The following LAMC2 variants were observed in gnomAD, a reference collection of about 807,000 sequenced individuals.
LAMC2 encodes laminin subunit gamma-2.
A neutral mutation model predicts 140.2 loss-of-function variants in LAMC2; 97 were observed. The observed-to-expected ratio is 0.69, with a 90% CI of 0.59 to 0.82. The LOEUF (loss-of-function observed/expected upper bound fraction) is 0.82, where lower values mean the gene tolerates loss of function less well. Among genes scored for constraint, LAMC2 ranks in the 40% least tolerant of loss-of-function variants. LAMC2 has a pLI of 0.00. For synonymous variants in LAMC2, 513 were observed against 540.2 expected, an observed-to-expected ratio of 0.95 and a Z score of 0.70; for missense variants, 1,402 against 1,476.1, an observed-to-expected ratio of 0.95 and a Z score of 0.82.
At chr1:183,248,215 G>A (rs916733419), downstream of LAMC2, 5 of 152,588 alleles carry the variant, frequency 3.3e-5, no homozygotes, top group Non-Finnish European at 7.4e-5. Flanking sequence ...CACAGAGAAA[G>A]TTCTTGACCA....
intron 1 of LAMC2, among the ~76,000 whole-genome samples, chr1:183,196,265 G>A (rs1036688313): frequency 6.6e-6 from 1 of 151,982 alleles, no homozygotes; most frequent in Non-Finnish European, 1.5e-5. Flanking sequence ...AGCCTCCCAA[G>A]TAGCTGGTAT....
chr1:183,207,897 G>A lies in LAMC2; in HGVS notation c.96G>A (p.Gly32=), dbSNP rs151060643. ...CCTCCCCAGTCTGTGATTGCAATGG[G>A]AAGTCCAGGCAGTGTATCTTTGATC... ...TSRREVCDCN[G]KSRQCIFDRE... is the part of the protein sequence containing the mutation. Residue 32 remains glycine, a synonymous_variant, in exon 2 of 23, where the codon GGG becomes GGA. Coordinates refer to ENST00000264144, the MANE Select transcript of LAMC2 (RefSeq NM_005562.3). The A allele has an allele frequency of 6.5e-5, 104 of 1,612,168 alleles. No homozygotes were observed. In the African/African-American group the frequency reaches 1.2e-3, roughly 19 times the overall value.
chr1:183,187,574 T>G (rs1658194985), intron 1 of LAMC2, among the ~76,000 whole-genome samples: 3 of 152,168 alleles, frequency 2.0e-5, no homozygotes, highest in Non-Finnish European at 4.4e-5. Context: ...AGAATACTAT[T>G]TTACTGTGTA....
At chr1:183,215,965 A>G (rs969351009) in intron 3 of LAMC2, among the ~76,000 whole-genome samples, 2 of 152,208 alleles carry the variant, frequency 1.3e-5, no homozygotes, top group Admixed American at 1.3e-4. Context: ...TTTTGGCCCC[A>G]GTGAATTTGG....
At chr1:183,220,258 G>A (rs991061711) in intron 4 of LAMC2, among the ~76,000 whole-genome samples, 1 of 152,126 alleles carries the variant, frequency 6.6e-6, no homozygotes, top group East Asian at 1.9e-4. Context: ...CTGGCTTTTG[G>A]AGAGTGTCTT....
At chr1:183,251,862 TGC>T in the LAMC2 span, 1 of 164,030 alleles carries the variant, frequency 6.1e-6, no homozygotes, top group Non-Finnish European at 1.3e-5. Flanking sequence ...AGGTTGCTGC[TGC>T]TGCTGCTGCT....
intron 14 of LAMC2, 60 bp from the exon 15 acceptor site, chr1:183,234,299 GCTTAAGTT>G (rs1169835056): frequency 8.2e-7 from 1 of 1,220,088 alleles, no homozygotes; most frequent in Non-Finnish European, 1.2e-6. Context: ...AGATGCACCT[GCTTAAGTT>G]CCATGGCCAA....
At chr1:183,252,392 C>T in the LAMC2 span, 1 of 518,130 alleles carries the variant, frequency 1.9e-6, no homozygotes, top group South Asian at 2.1e-5. Context: ...CCAAGGACTG[C>T]ACTTCCCCCG....
chr1:183,236,548 C>G lies in LAMC2; in HGVS notation c.2545C>G (p.Leu849Val), dbSNP rs1244239473. ...IEADRSYQHSLRLLDSVSRLQ... is the reference protein window; with the variant it reads ...IEADRSYQHSVRLLDSVSRLQ... ...AGCAGATAGGTCTTATCAGCACAGT[C>G]TCCGCCTCCTGGATTCAGTGTCTCG... Residue 849 changes from leucine to valine, a missense_variant, in exon 17 of 23, where the codon CTC (leucine) becomes GTC (valine). Transcript: ENST00000264144. The G allele has an allele frequency of 6.2e-7, 1 of 1,614,180 alleles. No homozygotes were observed. Among genetic ancestry groups the G allele is most frequent in the South Asian group, 1.1e-5 (1 of 91,082 alleles).
intron 1 of LAMC2, among the ~76,000 whole-genome samples, chr1:183,204,648 A>AAAATT (rs2102190143): frequency 6.6e-6 from 1 of 152,110 alleles, no homozygotes; most frequent in African/African-American, 2.4e-5. Flanking sequence ...AATAAAAATT[A>AAAATT]AAATAAAAGA....
intron 1 of LAMC2, among the ~76,000 whole-genome samples, chr1:183,186,841 C>T (rs1385549244): frequency 6.6e-6 from 1 of 152,180 alleles, no homozygotes. Flanking sequence ...AAAGGAACCT[C>T]TTCAATAATC....
intron 1 of LAMC2, among the ~76,000 whole-genome samples, chr1:183,203,928 AG>A (rs1198874170): frequency 6.6e-6 from 1 of 152,098 alleles, no homozygotes; most frequent in Non-Finnish European, 1.5e-5. Flanking sequence ...CAGGCTCTGG[AG>A]GGGAGATGCT....
At chr1:183,232,879 G>GTA (rs1328475083) in intron 14 of LAMC2, 22 bp downstream of exon 14, 1 of 1,611,556 alleles carries the variant, frequency 6.2e-7, no homozygotes, top group Admixed American at 1.7e-5. Context: ...CTGGGCTAGA[G>GTA]TATTGAGAAT....
chr1:183,250,868 G>A, the LAMC2 span: 2 of 152,582 alleles, frequency 1.3e-5, no homozygotes, highest in African/African-American at 2.4e-5. Context: ...GATGTGAAAC[G>A]TGTGGTAAAG....
chr1:183,224,217 G>A (rs1356103561), intron 7 of LAMC2, among the ~76,000 whole-genome samples: 1 of 152,070 alleles, frequency 6.6e-6, no homozygotes, highest in Non-Finnish European at 1.5e-5. Context: ...GTCAGAGAAG[G>A]GCAACCTTCA....
intron 13 of LAMC2, 32 bp downstream of exon 13, chr1:183,232,375 G>A: frequency 1.9e-6 from 3 of 1,612,396 alleles, no homozygotes; most frequent in Non-Finnish European, 2.5e-6. Context: ...TCAGACAGAA[G>A]AGAATTCATA....
chr1:183,231,881 A>G (rs552495246), intron 12 of LAMC2, among the ~76,000 whole-genome samples: 3 of 152,286 alleles, frequency 2.0e-5, no homozygotes, highest in Non-Finnish European at 4.4e-5. Flanking sequence ...TATTAACTGC[A>G]TTTTGAGCTT....
chr1:183,230,976 C>T lies in LAMC2; in HGVS notation c.1730C>T (p.Pro577Leu), dbSNP rs1380096572. The change falls in exon 12 of 23, where the codon CCC (proline) becomes CTC (leucine). Residue 577 changes from proline to leucine, a missense_variant. Physicochemically the swap from Pro to Leu is moderately conservative, Grantham distance 98. Coordinates refer to ENST00000264144, the MANE Select transcript of LAMC2 (RefSeq NM_005562.3). ...TTGTCTCTAGCTTGCAACTGTAACC[C>T]CATGGGCTCAGAGCCTGTAGGATGT... ...ADKCRACNCN[P>L]MGSEPVGCRS... The T allele has an allele frequency of 1.9e-6, 3 of 1,614,102 alleles. No homozygotes were observed. The highest frequency in any genetic ancestry group is 4.5e-5 in the East Asian group (2 of 44,888).
At chr1:183,189,495 G>C (rs183688555) in intron 1 of LAMC2, among the ~76,000 whole-genome samples, 45 of 152,302 alleles carry the variant, frequency 3.0e-4, no homozygotes, top group African/African-American at 1.1e-3. Context: ...TTGCACCACT[G>C]CACTCCAGCC....
Sources: allele counts gnomAD v4.1 joint callset (sites outside exome capture counted in the v4.1 genomes callset), GRCh38; gene constraint gnomAD v4.1.1; transcripts MANE v1.5; gene names NCBI Gene and HGNC (gene_info 2026-07-23, HGNC 2026-07-21).